The following DSCAML1 variants were observed in gnomAD, a reference collection of about 807,000 sequenced individuals.
DSCAML1 encodes the protein cell adhesion molecule DSCAML1.
A neutral mutation model predicts 200.5 loss-of-function variants in DSCAML1; 38 were observed. The ratio of observed to expected loss-of-function variants is 0.19; its 90% CI spans 0.15 to 0.25. DSCAML1 has a LOEUF of 0.25. Among genes scored for constraint, DSCAML1 ranks in the 10% least tolerant of loss-of-function variants. The pLI, the probability that DSCAML1 is intolerant of heterozygous loss-of-function variation, is 1.00. For synonymous variants in DSCAML1, 1,215 were observed against 1,165.0 expected (o/e 1.04, Z -0.87); for missense variants, 2,223 against 2,858.8 (o/e 0.78, Z 5.07).
At chr11:117,814,114 T>C (rs2055782966) in intron 1 of DSCAML1, among the ~76,000 whole-genome samples, 2 of 151,270 alleles carry the variant, frequency 1.3e-5, no homozygotes, top group Non-Finnish European at 2.9e-5. Context: ...GCTCCCCCAC[T>C]GAGCACCTTG....
At position 117,780,747 on chromosome 11, in the gene DSCAML1, A is replaced by G; in HGVS notation, c.110T>C (p.Phe37Ser). The stretch of plus-strand genomic sequence containing the variant: ...CACCACCACCCCCACGGAGCTGGAA[A>G]AGGTCACCTGCTGCAAGGAGTCATT... ...FVNDSLQQVTFSSSVGVVVPC... is the reference protein window; with the variant it reads ...FVNDSLQQVTSSSSVGVVVPC... Residue 37 changes from phenylalanine (F) to serine (S), a missense_variant, in exon 2 of 33, where the codon TTT (phenylalanine) becomes TCT (serine). By Grantham distance (155) the Phe-to-Ser change is radical. Transcript: ENST00000651296. This position sits in a 1 kb window ranked among gnomAD's most constrained non-coding sequence, Gnocchi z 4.8. The G allele has an allele frequency of 6.5e-7, 1 of 1,547,934 alleles. No individual in the cohort carries two copies. Among genetic ancestry groups the G allele is most frequent in the Non-Finnish European group, 8.7e-7 (1 of 1,148,536 alleles).
chr11:117,646,240 G>A (rs2052519253), intron 3 of DSCAML1, among the ~76,000 whole-genome samples: 1 of 152,030 alleles, frequency 6.6e-6, no homozygotes, highest in Non-Finnish European at 1.5e-5. Flanking sequence ...CCGTGGCCTG[G>A]CCAGATGGGA....
chr11:117,613,113 C>T (rs977965425), intron 3 of DSCAML1, among the ~76,000 whole-genome samples: 1 of 151,832 alleles, frequency 6.6e-6, no homozygotes, highest in East Asian at 1.9e-4. Context: ...GTCCATGCTC[C>T]CCCCACCCCA....
At chr11:117,553,566 C>T (rs1030600688) in intron 3 of DSCAML1, among the ~76,000 whole-genome samples, 8 of 152,116 alleles carry the variant, frequency 5.3e-5, no homozygotes, top group Non-Finnish European at 1.0e-4. Flanking sequence ...AAATCAAAAC[C>T]GCATTGAGAT....
intron 3 of DSCAML1, among the ~76,000 whole-genome samples, chr11:117,535,924 C>T (rs963218773): frequency 6.6e-6 from 1 of 151,568 alleles, no homozygotes; most frequent in Non-Finnish European, 1.5e-5. Flanking sequence ...GCTGATGCTG[C>T]CTTGATGGTT....
At chr11:117,720,109 C>T (rs1394266282) in intron 3 of DSCAML1, among the ~76,000 whole-genome samples, 2 of 152,090 alleles carry the variant, frequency 1.3e-5, no homozygotes, top group African/African-American at 4.8e-5. Flanking sequence ...ACAGAACCCC[C>T]ACCCTGTGCC....
chr11:117,437,427 G>A lies in DSCAML1; in HGVS notation c.4433-18C>T. 1 of 1,607,112 alleles carries A rather than the reference G, an allele frequency of 6.2e-7. No individual in the cohort carries two copies. Among genetic ancestry groups the A allele is most frequent in the Non-Finnish European group, 8.5e-7 (1 of 1,175,162 alleles). ...GGAGGGCTCTGGCAGGCCGGAGGGA[G>A]AGAGAGAGGTTAGAGAGATTTGGTG... On this transcript the variant is annotated intron_variant, in intron 25 of 32. Coordinates refer to ENST00000651296, the MANE Select transcript of DSCAML1 (RefSeq NM_020693.4). The surrounding 1 kb of genome is among the most constrained non-coding windows in gnomAD (Gnocchi z 5.3).
intron 3 of DSCAML1, among the ~76,000 whole-genome samples, chr11:117,716,854 G>A (rs1056430950): frequency 1.3e-5 from 2 of 152,182 alleles, no homozygotes; most frequent in Non-Finnish European, 2.9e-5. Context: ...CTGCTTGTGC[G>A]CTGCCACGGC....
rs778693160 is a variant in DSCAML1, at chr11:117,477,390, G to GTGTGTGTA, written c.2785+3052_2785+3053insTACACACA. Among the ~76,000 whole-genome samples, 229 of 131,782 alleles carry GTGTGTGTA rather than the reference G, an allele frequency of 1.7e-3. 1 individual carries two copies. The highest frequency in any genetic ancestry group is 2.7e-3 in the Non-Finnish European group (170 of 61,846). The allele number at this position is 131,782 out of a possible 152,430, so 86.5% of individuals were successfully genotyped here. A position where few individuals can be genotyped will look rare whatever the true frequency, so the allele number is the denominator to read the frequency against. Reference sequence around the variant, plus strand: ...TGTGTGTGTGTGTGTGTGTGTGTGTGTATGTGTGTGTGTATGTGTATATTC... The same window carrying GTGTGTGTA: ...TGTGTGTGTGTGTGTGTGTGTGTGTGTGTGTGTATATGTGTGTGTGTATGTGTATATTC... On this transcript the variant is annotated intron_variant, in intron 14 of 32. Transcript: ENST00000651296.
Position 117,480,584 on chromosome 11 carries a change from A to G in DSCAML1, c.2657-13T>C. 1 of 1,553,070 alleles carries G rather than the reference A, an allele frequency of 6.4e-7. No individual in the cohort carries two copies. The highest frequency in any genetic ancestry group is 2.4e-5 in the East Asian group (1 of 41,118). On this transcript the variant is annotated splice_polypyrimidine_tract_variant and intron_variant, in intron 13 of 32. Transcript: ENST00000651296. The surrounding 1 kb of genome is among the most constrained non-coding windows in gnomAD (Gnocchi z 4.1). ...GGGTCGGGGGGCTCTAGGGTGCGGC[A>G]GTGGAGGGGAGGGAAGTGAGGAGGG...
intron 3 of DSCAML1, among the ~76,000 whole-genome samples, chr11:117,696,191 C>T (rs577238078): frequency 1.1e-4 from 17 of 152,296 alleles, no homozygotes; most frequent in South Asian, 4.1e-4. Context: ...AAGCTTCGCA[C>T]GGGGTACAGC....
chr11:117,467,898 A>C (rs185050349), intron 16 of DSCAML1, among the ~76,000 whole-genome samples: 1 of 152,280 alleles, frequency 6.6e-6, no homozygotes, highest in East Asian at 1.9e-4. Flanking sequence ...GAACATCATT[A>C]TACTATGCCA....
intron 3 of DSCAML1, among the ~76,000 whole-genome samples, chr11:117,547,719 C>T (rs778847191): frequency 3.9e-5 from 6 of 152,212 alleles, no homozygotes; most frequent in Non-Finnish European, 8.8e-5. Flanking sequence ...GTGGTCTTAT[C>T]TAATTCATTC....
Position 117,516,079 on chromosome 11 carries a change from C to A in DSCAML1, c.1783+388G>T, listed in dbSNP as rs2049759747. Among the ~76,000 whole-genome samples, 1 of 152,188 alleles carries A rather than the reference C, an allele frequency of 6.6e-6. No individual in the cohort carries two copies. The highest frequency in any genetic ancestry group is 1.9e-4 in the East Asian group (1 of 5,192). On this transcript the variant is annotated intron_variant, in intron 8 of 32. Coordinates refer to ENST00000651296, the MANE Select transcript of DSCAML1 (RefSeq NM_020693.4). The surrounding 1 kb of genome is among the most constrained non-coding windows in gnomAD (Gnocchi z 5.7). ...CTCTGTCAACCCTGGCCTCCTGTTG[C>A]TTGTGGCCTCCTTGTGTGGGCCCGC...
chr11:117,793,111 C>A (rs973161626), intron 1 of DSCAML1, among the ~76,000 whole-genome samples: 3 of 152,214 alleles, frequency 2.0e-5, no homozygotes, highest in Admixed American at 1.3e-4. Flanking sequence ...TCACAGAGGG[C>A]ACAGCTTTTG....
At chr11:117,459,355 G>A (rs141415786) in intron 18 of DSCAML1, among the ~76,000 whole-genome samples, 72 of 152,346 alleles carry the variant, frequency 4.7e-4, no homozygotes, top group African/African-American at 1.5e-3. Flanking sequence ...GCCTTGGGCC[G>A]CCAGACCTCC....
rs59347660 is a variant in DSCAML1, at chr11:117,557,829, T to C, written c.512-25307A>G. The stretch of plus-strand genomic sequence containing the variant: ...TATCTAGGGTGTAGATCTAGGGCCA[T>C]GGTTCTCAACGAGGGGTGATTTTCG... On this transcript the variant is annotated intron_variant, in intron 3 of 32. Coordinates refer to ENST00000651296, the MANE Select transcript of DSCAML1 (RefSeq NM_020693.4). 4.6e-3 allele frequency among the ~76,000 whole-genome samples: 493 copies of C among 106,776 alleles called. 3 individuals carry two copies. Among genetic ancestry groups the C allele is most frequent in the African/African-American group, 0.015 (418 of 28,186 alleles). The allele number at this position is 106,776 out of a possible 152,430, so 70.0% of individuals were successfully genotyped here. A position where few individuals can be genotyped will look rare whatever the true frequency, so the allele number is the denominator to read the frequency against.
At chr11:117,717,152 C>A (rs1671149716) in intron 3 of DSCAML1, among the ~76,000 whole-genome samples, 1 of 152,184 alleles carries the variant, frequency 6.6e-6, no homozygotes, top group Non-Finnish European at 1.5e-5. Flanking sequence ...AGGCAGAATC[C>A]AGTGCCACGC....
intron 3 of DSCAML1, among the ~76,000 whole-genome samples, chr11:117,565,713 C>T (rs1202313938): frequency 1.8e-4 from 28 of 152,106 alleles, no homozygotes; most frequent in Non-Finnish European, 2.9e-5. Context: ...GTGTTTTTTT[C>T]CCCCTCTCCC....
Sources: gnomAD v4.1 joint callset for allele counts (sites outside exome capture counted in the v4.1 genomes callset) on GRCh38, gnomAD v4.1.1 for gene constraint, Gnocchi (gnomAD v3.1) non-coding constraint, MANE v1.5 for transcripts, NCBI Gene and HGNC (gene_info 2026-07-23, HGNC 2026-07-21) for gene names.